The following PPARGC1A variants were observed in gnomAD, a reference collection of about 807,000 sequenced individuals.
The protein encoded by PPARGC1A is PPARG coactivator 1 alpha, also known as peroxisome proliferator-activated receptor gamma coactivator 1-alpha.
In PPARGC1A, 25 loss-of-function variants were observed where a neutral mutation model predicts 88.7. The observed-to-expected ratio is 0.28, with a 90% CI of 0.21 to 0.39. PPARGC1A has a LOEUF of 0.39. Ranked by LOEUF, PPARGC1A falls within the 10% of genes least tolerant of loss-of-function variation. PPARGC1A has a pLI of 1.00. For missense variants in PPARGC1A, 880 were observed against 968.7 expected (o/e 0.91, Z 1.22); for synonymous variants, 363 against 355.6 (o/e 1.02, Z -0.24).
Position 23,831,763 on chromosome 4 carries a change from GA to G in PPARGC1A, c.235-13del. On this transcript the variant is annotated splice_polypyrimidine_tract_variant and intron_variant, in intron 2 of 12. Transcript: ENST00000264867. ...TCTTCATCTATCTTCTGCAGAAAGA[GA>G]AAAAAACAGAAGATGTGAGTTGACC... The G allele has an allele frequency of 6.3e-7, 1 of 1,593,540 alleles. No individual in the cohort carries two copies. Among genetic ancestry groups the G allele is most frequent in the Non-Finnish European group, 8.6e-7 (1 of 1,163,660 alleles).
At chr4:23,983,523 C>CA in the PPARGC1A span, among the ~76,000 whole-genome samples, 1 of 152,130 alleles carries the variant, frequency 6.6e-6, no homozygotes, top group East Asian at 1.9e-4. Flanking sequence ...CATCCACTTT[C>CA]ATACAAGGAA....
At chr4:24,289,021 G>A in the PPARGC1A span, among the ~76,000 whole-genome samples, 1 of 152,022 alleles carries the variant, frequency 6.6e-6, no homozygotes, top group South Asian at 2.1e-4. Context: ...GGAGTTCCAG[G>A]CCAGCCTGGC....
At chr4:24,173,164 A>G in the PPARGC1A span, among the ~76,000 whole-genome samples, 5 of 152,100 alleles carry the variant, frequency 3.3e-5, no homozygotes, top group Non-Finnish European at 5.9e-5. Context: ...AGGGCTAACG[A>G]TGTGTCAGAG....
At chr4:24,432,294 C>T in the PPARGC1A span, among the ~76,000 whole-genome samples, 1 of 152,056 alleles carries the variant, frequency 6.6e-6, no homozygotes, top group African/African-American at 2.4e-5. Flanking sequence ...GATGTGCCTG[C>T]CATGGGTGAT....
At chr4:23,846,989 G>C (rs1728436478) in intron 2 of PPARGC1A, among the ~76,000 whole-genome samples, 1 of 152,116 alleles carries the variant, frequency 6.6e-6, no homozygotes, top group Non-Finnish European at 1.5e-5. Context: ...TTGTAAAGTA[G>C]TGACTCTCAA....
At chr4:23,924,898 C>G in the PPARGC1A span, among the ~76,000 whole-genome samples, 2 of 152,168 alleles carry the variant, frequency 1.3e-5, no homozygotes, top group African/African-American at 4.8e-5. Flanking sequence ...TTCCTACCCC[C>G]ACTTTCCTTT....
the PPARGC1A span, among the ~76,000 whole-genome samples, chr4:24,122,399 G>A: frequency 1.5e-5 from 2 of 137,390 alleles, no homozygotes; most frequent in Admixed American, 7.4e-5. Context: ...GTGTGTGTGT[G>A]TGTGTGTGTG....
the PPARGC1A span, among the ~76,000 whole-genome samples, chr4:24,272,511 C>G: frequency 1.3e-5 from 2 of 152,092 alleles, no homozygotes; most frequent in Non-Finnish European, 2.9e-5. Context: ...ACTTCCCCCA[C>G]AACAAAAAGA....
At chr4:24,003,549 G>A in the PPARGC1A span, among the ~76,000 whole-genome samples, 55 of 152,258 alleles carry the variant, frequency 3.6e-4, no homozygotes, top group Non-Finnish European at 4.9e-4. Flanking sequence ...CCGATTTCAG[G>A]TGTCAAGGAG....
the PPARGC1A span, among the ~76,000 whole-genome samples, chr4:23,935,413 A>G: frequency 6.6e-6 from 1 of 152,218 alleles, no homozygotes; most frequent in Non-Finnish European, 1.5e-5. Context: ...GCAGAGAAAG[A>G]GCAAATGTCC....
chr4:24,020,902 C>T, the PPARGC1A span, among the ~76,000 whole-genome samples: 21,130 of 152,138 alleles, frequency 0.14, 1,742 homozygotes, highest in East Asian at 0.27. Flanking sequence ...ACAAGAACAC[C>T]GAGGGTGCTG....
the PPARGC1A span, among the ~76,000 whole-genome samples, chr4:24,193,523 A>G: frequency 6.6e-6 from 1 of 152,122 alleles, no homozygotes; most frequent in African/African-American, 2.4e-5. Context: ...AAGCTACCCA[A>G]GGTCTCATCA....
At chr4:24,443,375 C>T in the PPARGC1A span, among the ~76,000 whole-genome samples, 1 of 151,748 alleles carries the variant, frequency 6.6e-6, no homozygotes, top group Non-Finnish European at 1.5e-5. Context: ...TGACGTCACA[C>T]CTGAACACCA....
the PPARGC1A span, among the ~76,000 whole-genome samples, chr4:24,175,604 T>C: frequency 2.1e-5 from 3 of 141,914 alleles, no homozygotes; most frequent in Non-Finnish European, 4.5e-5. Context: ...GCCAGACTGG[T>C]CTCAAACTCC....
chr4:23,966,302 G>A, the PPARGC1A span, among the ~76,000 whole-genome samples: 6 of 152,290 alleles, frequency 3.9e-5, no homozygotes, highest in Admixed American at 2.6e-4. Flanking sequence ...GAAATGTTCT[G>A]TATCAATGCT....
chr4:24,235,007 A>G, the PPARGC1A span, among the ~76,000 whole-genome samples: 2 of 152,200 alleles, frequency 1.3e-5, no homozygotes, highest in Non-Finnish European at 2.9e-5. Flanking sequence ...CACTTCTGAA[A>G]TACTCATTTT....
the PPARGC1A span, among the ~76,000 whole-genome samples, chr4:24,201,625 T>A: frequency 6.6e-6 from 1 of 152,250 alleles, no homozygotes; most frequent in Non-Finnish European, 1.5e-5. Context: ...CTGCTTTCCT[T>A]GTTCATCTTT....
chr4:24,173,199 G>C, the PPARGC1A span, among the ~76,000 whole-genome samples: 1 of 152,070 alleles, frequency 6.6e-6, no homozygotes, highest in African/African-American at 2.4e-5. Flanking sequence ...TGACATTGTT[G>C]AAGGATTGGC....
chr4:24,430,251 A>ATTTTTTTTTTT, the PPARGC1A span, among the ~76,000 whole-genome samples: 3 of 131,738 alleles, frequency 2.3e-5, no homozygotes, highest in East Asian at 2.3e-4. Flanking sequence ...GATATTTTGT[A>ATTTTTTTTTTT]TTTCTTTTTT....
Sources: allele counts gnomAD v4.1 joint callset (sites outside exome capture counted in the v4.1 genomes callset), GRCh38; gene constraint gnomAD v4.1.1; transcripts MANE v1.5; gene names NCBI Gene and HGNC (gene_info 2026-07-23, HGNC 2026-07-21).